Variants in PHF20 observed in about 807,000 individuals in gnomAD.
PHF20 encodes glioma-expressed antigen 2.
A neutral mutation model predicts 113.5 loss-of-function variants in PHF20; 23 were observed. The ratio of observed to expected loss-of-function variants is 0.20; its 90% CI spans 0.15 to 0.29. PHF20 has a LOEUF of 0.29. Ranked by LOEUF, PHF20 falls within the 10% of genes least tolerant of loss-of-function variation. PHF20 has a pLI of 1.00. For synonymous variants in PHF20, 434 were observed against 457.3 expected (o/e 0.95, Z 0.65); for missense variants, 943 against 1,219.6 (o/e 0.77, Z 3.38).
At chr20:35,834,083 T>A (rs112688285) in intron 2 of PHF20, among the ~76,000 whole-genome samples, 42 of 150,812 alleles carry the variant, frequency 2.8e-4, no homozygotes, top group Non-Finnish European at 3.5e-4. Flanking sequence ...AATAAATAAA[T>A]AAAAAGGCGG....
chr20:35,948,694 C>A lies in PHF20; in HGVS notation c.*1067C>A, dbSNP rs193045748. 12 of 152,674 alleles carry A rather than the reference C, an allele frequency of 7.9e-5. No individual in the cohort carries two copies. 9.5% of individuals were successfully genotyped at this position (152,674 alleles called of 1,614,324 possible). A position where few individuals can be genotyped will look rare whatever the true frequency, so the allele number is the denominator to read the frequency against. ...AAGGTCCAGGTACAACCTATTTGTA[C>A]CTTTTGAGACAATATTTGTGTTACT... On this transcript the variant is annotated 3_prime_UTR_variant, in exon 18 of 18. Coordinates refer to ENST00000374012, the MANE Select transcript of PHF20 (RefSeq NM_016436.5).
intron 2 of PHF20, among the ~76,000 whole-genome samples, chr20:35,805,958 G>A (rs938944475): frequency 6.6e-6 from 1 of 151,532 alleles, no homozygotes; most frequent in Non-Finnish European, 1.5e-5. Flanking sequence ...ACCTCCTCCT[G>A]GGTTCAAGCG....
At chr20:35,930,145 C>G (rs1040723044) in intron 14 of PHF20, among the ~76,000 whole-genome samples, 1 of 152,128 alleles carries the variant, frequency 6.6e-6, no homozygotes, top group Admixed American at 6.6e-5. Flanking sequence ...GAATGGATAA[C>G]AGGTACAGAG....
intron 9 of PHF20, among the ~76,000 whole-genome samples, chr20:35,876,622 T>G (rs538848584): frequency 1.3e-5 from 2 of 152,056 alleles, no homozygotes; most frequent in African/African-American, 4.8e-5. Flanking sequence ...ACTGTTGTAA[T>G]TGGGCAAGCA....
intron 15 of PHF20, among the ~76,000 whole-genome samples, chr20:35,938,433 G>C (rs2147126495): frequency 1.3e-5 from 2 of 152,278 alleles, no homozygotes; most frequent in Middle Eastern, 6.8e-3. Flanking sequence ...GGTTGAGTGA[G>C]TTGTCCCAGA....
chr20:35,928,552 C>G (rs1231924449), intron 14 of PHF20: 1 of 151,896 alleles, frequency 6.6e-6, no homozygotes, highest in East Asian at 1.9e-4. Flanking sequence ...TTTCATCCTG[C>G]CTGATTGAAG....
chr20:35,873,253 A>G (rs960810397), intron 9 of PHF20, among the ~76,000 whole-genome samples: 5 of 151,668 alleles, frequency 3.3e-5, no homozygotes, highest in Non-Finnish European at 7.4e-5. Context: ...GGAGTGTGCC[A>G]CCACGCCCAG....
At chr20:35,782,262 G>GTTTTTTTTTTTTTTTTTTTTTTTT (rs11480471) in intron 1 of PHF20, 1 of 143,482 alleles carries the variant, frequency 7.0e-6, no homozygotes. Context: ...TTCTTGTTTT[G>GTTTTTTTTTTTTTTTTTTTTTTTT]TTTTTTTTTT....
chr20:35,828,188 C>G (rs919024509), intron 2 of PHF20, among the ~76,000 whole-genome samples: 9 of 152,084 alleles, frequency 5.9e-5, no homozygotes, highest in Non-Finnish European at 1.2e-4. Context: ...CATGCCCAGG[C>G]TAATTTTGTA....
At chr20:35,810,105 T>G (rs1272523977) in intron 2 of PHF20, among the ~76,000 whole-genome samples, 1 of 152,064 alleles carries the variant, frequency 6.6e-6, no homozygotes, top group Non-Finnish European at 1.5e-5. Flanking sequence ...AATTTTTGTA[T>G]TTCTAGTAGA....
intron 3 of PHF20, 33 bp downstream of exon 3, chr20:35,842,777 G>A (rs757671392): frequency 1.9e-6 from 3 of 1,590,098 alleles, no homozygotes; most frequent in Non-Finnish European, 1.7e-6. Flanking sequence ...TCTGTAGTAT[G>A]CAAGGTCAGC....
chr20:35,834,092 G>A (rs761448186), intron 2 of PHF20, among the ~76,000 whole-genome samples: 10 of 146,468 alleles, frequency 6.8e-5, no homozygotes, highest in South Asian at 2.2e-4. Context: ...ATAAAAAGGC[G>A]GGAGGGTTTA....
intron 9 of PHF20, among the ~76,000 whole-genome samples, chr20:35,876,828 C>T (rs949235457): frequency 7.2e-5 from 11 of 151,762 alleles, no homozygotes; most frequent in African/African-American, 7.3e-5. Context: ...AAAATTTGGC[C>T]GGGCGCAGTG....
intron 1 of PHF20, among the ~76,000 whole-genome samples, chr20:35,789,374 T>G (rs1037772283): frequency 6.8e-6 from 1 of 147,448 alleles, no homozygotes; most frequent in African/African-American, 2.5e-5. Context: ...GAGGTTGCAG[T>G]GAGCCAAGAT....
rs1201634517 is a variant in PHF20 at position 35,791,534 on chromosome 20, A to AGT, written c.-32-9954_-32-9953dup. Among the ~76,000 whole-genome samples the AGT allele has an allele frequency of 9.6e-4, 119 of 123,958 alleles. 2 individuals are homozygous for AGT. The highest frequency in any genetic ancestry group is 3.7e-3 in the African/African-American group (95 of 25,368). 81.3% of individuals were successfully genotyped at this position (123,958 alleles called of 152,430 possible). On this transcript the variant is annotated intron_variant, in intron 1 of 17. Transcript: ENST00000374012. ...AGTATATACATATATATCTTAGAAT[A>AGT]GTGTATATATATATATATATATATA...
At chr20:35,888,756 T>C (rs1168987411) in intron 9 of PHF20, among the ~76,000 whole-genome samples, 7 of 145,098 alleles carry the variant, frequency 4.8e-5, no homozygotes, top group East Asian at 2.0e-4. Context: ...CCTCATCTCT[T>C]TTTTTTTTTT....
At chr20:35,803,151 C>G (rs1228734274) in intron 2 of PHF20, among the ~76,000 whole-genome samples, 1 of 150,076 alleles carries the variant, frequency 6.7e-6, no homozygotes, top group Non-Finnish European at 1.5e-5. Flanking sequence ...ACTCAGGAGG[C>G]TGAGGCAGGA....
At chr20:35,853,372 A>G (rs2042774171) in intron 4 of PHF20, 1 of 152,174 alleles carries the variant, frequency 6.6e-6, no homozygotes, top group Admixed American at 6.5e-5. Context: ...GCCTGAGAAA[A>G]CATGTTTGAA....
intron 3 of PHF20, among the ~76,000 whole-genome samples, chr20:35,846,814 CT>C (rs1449482103): frequency 1.3e-5 from 2 of 152,080 alleles, no homozygotes; most frequent in Non-Finnish European, 2.9e-5. Context: ...AATAGAATAC[CT>C]GAGACTAGGT....
Sources: gnomAD v4.1 joint callset for allele counts (sites outside exome capture counted in the v4.1 genomes callset) on GRCh38, gnomAD v4.1.1 for gene constraint, MANE v1.5 for transcripts, NCBI Gene and HGNC (gene_info 2026-07-23, HGNC 2026-07-21) for gene names.